Variants in LUZP2 observed in about 807,000 individuals in gnomAD.
The protein encoded by LUZP2 is leucine zipper protein 2.
In LUZP2, 52 loss-of-function variants were observed where a neutral mutation model predicts 51.6. The ratio of observed to expected loss-of-function variants is 1.01; its 90% CI spans 0.81 to 1.27. LUZP2 has a LOEUF of 1.27. Among genes scored for constraint, LUZP2 ranks in the 50% most tolerant of loss-of-function variants. The pLI, the probability that LUZP2 is intolerant of heterozygous loss-of-function variation, is 0.00. For synonymous variants in LUZP2, 154 were observed against 137.3 expected (o/e 1.12, Z -0.85); for missense variants, 436 against 395.4 (o/e 1.10, Z -0.87).
intron 7 of LUZP2, among the ~76,000 whole-genome samples, chr11:24,940,537 C>CT (rs1468405577): frequency 4.6e-5 from 7 of 152,030 alleles, no homozygotes; most frequent in African/African-American, 1.7e-4. Context: ...TTATGTTTCT[C>CT]TTTTTTTCTC....
chr11:25,044,022 G>GAT (rs374608794), intron 9 of LUZP2, among the ~76,000 whole-genome samples: 1 of 54,800 alleles, frequency 1.8e-5, no homozygotes, highest in Non-Finnish European at 3.8e-5. Context: ...ATATATATCT[G>GAT]ATATATATAG....
rs142456906 is a variant in LUZP2, at chr11:24,745,359, C to T, written c.333+7057C>T. Among the ~76,000 whole-genome samples the T allele has an allele frequency of 7.2e-4, 109 of 152,036 alleles. 3 individuals are homozygous for T. The highest frequency in any genetic ancestry group is 2.5e-3 in the African/African-American group (104 of 41,476). ...TGTTTTTCTCGTTTGTTAGGTCTAT[C>T]GGTAATTATTTTATAAATTTAGGAA... is the stretch of plus-strand genomic sequence containing the variant. On this transcript the variant is annotated intron_variant, in intron 4 of 11. Coordinates refer to ENST00000336930, the MANE Select transcript of LUZP2 (RefSeq NM_001009909.4).
At chr11:25,067,550 T>C (rs1395311362) in intron 10 of LUZP2, among the ~76,000 whole-genome samples, 1 of 152,000 alleles carries the variant, frequency 6.6e-6, no homozygotes, top group Non-Finnish European at 1.5e-5. Context: ...AAGACATTTA[T>C]GTGGCCAAGA....
At position 24,611,335 on chromosome 11, in the gene LUZP2, C is replaced by A. The variant is rs1854110923; in HGVS notation, c.62+114030C>A. Among the ~76,000 whole-genome samples the A allele has an allele frequency of 6.6e-6, 1 of 152,040 alleles. No individual in the cohort carries two copies. The highest frequency in any genetic ancestry group is 1.5e-5 in the Non-Finnish European group (1 of 68,024). ...CCATTATTCAAAAGAATGTATATAT[C>A]TAATTCATTTGATCTTCATAAAATT... is the stretch of plus-strand genomic sequence containing the variant. On this transcript the variant is annotated intron_variant, in intron 1 of 11. Coordinates refer to ENST00000336930, the MANE Select transcript of LUZP2 (RefSeq NM_001009909.4). The surrounding 1 kb of genome is among the most constrained non-coding windows in gnomAD (Gnocchi z 4.6).
At chr11:25,048,537 CAG>C (rs1012728586) in intron 9 of LUZP2, among the ~76,000 whole-genome samples, 2 of 152,144 alleles carry the variant, frequency 1.3e-5, no homozygotes, top group African/African-American at 4.8e-5. Context: ...GCATCTAAAA[CAG>C]AACACTGGCT....
chr11:24,700,056 C>CTTTTTTTTTT (rs762849302), intron 1 of LUZP2, among the ~76,000 whole-genome samples: 2 of 95,978 alleles, frequency 2.1e-5, no homozygotes, highest in Non-Finnish European at 3.9e-5. Context: ...TTTTCCTCAA[C>CTTTTTTTTTT]TTTTTTTTTT....
At chr11:24,590,294 C>A (rs1334492200) in intron 1 of LUZP2, among the ~76,000 whole-genome samples, 1 of 152,134 alleles carries the variant, frequency 6.6e-6, no homozygotes, top group South Asian at 2.1e-4. Flanking sequence ...TAAATTTACA[C>A]ATTGCAGTTG....
intron 5 of LUZP2, among the ~76,000 whole-genome samples, chr11:24,853,244 A>G (rs1851448862): frequency 6.6e-6 from 1 of 152,092 alleles, no homozygotes; most frequent in South Asian, 2.1e-4. Context: ...TGCTTCCTTC[A>G]GGAGCTCTTG....
chr11:24,896,245 C>G (rs749252342), intron 5 of LUZP2, among the ~76,000 whole-genome samples: 2 of 152,156 alleles, frequency 1.3e-5, no homozygotes, highest in African/African-American at 4.8e-5. Flanking sequence ...GTGGGCTGGC[C>G]GAGGCCGGAG....
intron 1 of LUZP2, among the ~76,000 whole-genome samples, chr11:24,665,425 C>G (rs544137691): frequency 1.3e-5 from 2 of 152,078 alleles, no homozygotes; most frequent in Non-Finnish European, 2.9e-5. Flanking sequence ...TGAGTTAAGA[C>G]TTTGGGAGAC....
chr11:25,029,538 C>A (rs1857586132), intron 9 of LUZP2, among the ~76,000 whole-genome samples: 1 of 151,892 alleles, frequency 6.6e-6, no homozygotes, highest in African/African-American at 2.4e-5. Context: ...GTAGCTCAAG[C>A]CCAGCCTGGC....
At chr11:24,573,958 C>T (rs1852523258) in intron 1 of LUZP2, among the ~76,000 whole-genome samples, 1 of 151,400 alleles carries the variant, frequency 6.6e-6, no homozygotes, top group African/African-American at 2.4e-5. Flanking sequence ...ATACATGTGC[C>T]ATGTTGGTGT....
intron 1 of LUZP2, among the ~76,000 whole-genome samples, chr11:24,548,456 A>G (rs1413597401): frequency 6.6e-6 from 1 of 152,052 alleles, no homozygotes; most frequent in African/African-American, 2.4e-5. Context: ...AGGAAGAGAA[A>G]ACCAAATAAC....
chr11:24,968,332 A>C (rs1283273888), intron 7 of LUZP2, among the ~76,000 whole-genome samples: 2 of 152,184 alleles, frequency 1.3e-5, no homozygotes, highest in Non-Finnish European at 2.9e-5. Flanking sequence ...AGTAGACTAT[A>C]CTTAAACAAA....
intron 6 of LUZP2, 45 bp downstream of exon 6, chr11:24,906,098 G>T: frequency 2.8e-6 from 4 of 1,428,226 alleles, no homozygotes; most frequent in Non-Finnish European, 3.9e-6. Flanking sequence ...GATAAAAACA[G>T]TATTATTGTC....
At chr11:24,794,901 A>G (rs1202162234) in intron 5 of LUZP2, among the ~76,000 whole-genome samples, 1 of 152,166 alleles carries the variant, frequency 6.6e-6, no homozygotes, top group Non-Finnish European at 1.5e-5. Context: ...TAAGAATTAT[A>G]GGATTTCATG....
chr11:25,013,356 G>A (rs10834578), intron 9 of LUZP2, among the ~76,000 whole-genome samples: 133,932 of 151,856 alleles, frequency 0.88, 61,421 homozygotes, highest in Non-Finnish European at 1. Context: ...TTGGGTGAGG[G>A]ACAACCTAGA....
intron 4 of LUZP2, among the ~76,000 whole-genome samples, chr11:24,744,820 T>A (rs1348439915): frequency 6.6e-6 from 1 of 152,248 alleles, no homozygotes; most frequent in Middle Eastern, 3.4e-3. Context: ...TTGTGCTCTT[T>A]CAGTCTTTCT....
chr11:24,850,263 T>C (rs1020965641), intron 5 of LUZP2, among the ~76,000 whole-genome samples: 3 of 152,134 alleles, frequency 2.0e-5, no homozygotes, highest in Non-Finnish European at 1.5e-5. Context: ...TTAGGTCTTA[T>C]GTTTAAGTGT....
Sources: allele counts gnomAD v4.1 joint callset (sites outside exome capture counted in the v4.1 genomes callset), GRCh38; gene constraint gnomAD v4.1.1; non-coding constraint Gnocchi (gnomAD v3.1); transcripts MANE v1.5; gene names NCBI Gene and HGNC (gene_info 2026-07-23, HGNC 2026-07-21).